Variants in TJP1 observed in about 807,000 individuals in gnomAD.
TJP1 encodes the protein tight junction protein ZO-1.
In TJP1, 43 loss-of-function variants were observed where a neutral mutation model predicts 194.2. The observed-to-expected ratio is 0.22, with a 90% CI of 0.17 to 0.29. The LOEUF (loss-of-function observed/expected upper bound fraction) is 0.29, where lower values mean the gene tolerates loss of function less well. Ranked by LOEUF, TJP1 falls within the 10% of genes least tolerant of loss-of-function variation. The probability of loss-of-function intolerance (pLI) is 1.00; values close to 1 mark genes in which losing one functional copy is unlikely to be tolerated. For missense variants in TJP1, 1,971 were observed against 2,185.7 expected (o/e 0.90, Z 1.96); for synonymous variants, 801 against 779.0 (o/e 1.03, Z -0.47).
chr15:29,823,324 A>G (rs1450391646), upstream of TJP1: 2 of 152,170 alleles, frequency 1.3e-5, no homozygotes, highest in Admixed American at 6.5e-5. Context: ...CCACTACACA[A>G]ACTTCCCACA....
intron 15 of TJP1, chr15:29,731,129 T>C (rs2043627237): frequency 1.6e-6 from 1 of 629,148 alleles, no homozygotes; most frequent in Non-Finnish European, 2.8e-6. Flanking sequence ...GAACACTTCA[T>C]TGTTGTTTTT....
chr15:29,877,378 G>C (rs889121404), intron 2 of TJP1, among the ~76,000 whole-genome samples: 8 of 152,108 alleles, frequency 5.3e-5, no homozygotes, highest in Non-Finnish European at 1.0e-4. Context: ...CACCACACCT[G>C]AGTAATTTTT....
rs138633407 is a variant in TJP1 at position 29,865,513 on chromosome 15, T to C, written c.307-64811A>G. 9.8e-5 allele frequency among the ~76,000 whole-genome samples: 15 copies of C among 152,322 alleles called. No individual in the cohort carries two copies. In the East Asian group the frequency reaches 2.1e-3, roughly 22 times the overall value. ...TCTAAGACCCTAGGGGAGTTTAGAA[T>C]ATGATCAAGTTCCGAAGAAGTGCAT... On this transcript the variant is annotated intron_variant, in intron 2 of 28. Coordinates refer to the TJP1 transcript ENST00000356107.
chr15:29,887,408 T>G (rs1203060868), intron 2 of TJP1, among the ~76,000 whole-genome samples: 1 of 151,886 alleles, frequency 6.6e-6, no homozygotes, highest in Non-Finnish European at 1.5e-5. Flanking sequence ...CAAGTGATTC[T>G]CCTGCCTCAG....
chr15:29,760,202 G>C (rs1462834632), intron 8 of TJP1: 4 of 702,122 alleles, frequency 5.7e-6, no homozygotes, highest in Non-Finnish European at 1.0e-5. Flanking sequence ...ATAGAGCCTT[G>C]GGAGTCTCCA....
At chr15:29,760,532 C>T (rs1253271957) in intron 8 of TJP1, among the ~76,000 whole-genome samples, 1 of 152,084 alleles carries the variant, frequency 6.6e-6, no homozygotes, top group African/African-American at 2.4e-5. Context: ...TGTGCCAACA[C>T]TACCTGGCTA....
At chr15:29,841,430 C>A in intron 2 of TJP1, among the ~76,000 whole-genome samples, 1 of 152,208 alleles carries the variant, frequency 6.6e-6, no homozygotes, top group South Asian at 2.1e-4. Context: ...GAGGCCCACC[C>A]TTCAGGACCT....
In TJP1 at chr15:29,877,132, T is replaced by C. The variant is rs190950144; in HGVS notation, c.307-76430A>G. 1.7e-3 allele frequency among the ~76,000 whole-genome samples: 255 copies of C among 152,360 alleles called. 5 individuals are homozygous for C. Among genetic ancestry groups the C allele is most frequent in the Admixed American group, 0.016 (239 of 15,308 alleles). On this transcript the variant is annotated intron_variant, in intron 2 of 28. Coordinates refer to the TJP1 transcript ENST00000356107. ...TTACATTAATTAAAACTCATTGTTCTTATAATTTCATGTAAACCAATTAAC... is the reference window on the plus strand; with the variant it reads ...TTACATTAATTAAAACTCATTGTTCCTATAATTTCATGTAAACCAATTAAC...
chr15:29,790,284 T>C (rs1320102044), intron 2 of TJP1, among the ~76,000 whole-genome samples: 1 of 152,240 alleles, frequency 6.6e-6, no homozygotes, highest in Admixed American at 6.5e-5. Context: ...ACTAAGACAG[T>C]TGAAAGTACC....
intron 2 of TJP1, among the ~76,000 whole-genome samples, chr15:29,862,466 A>G (rs550378824): frequency 1.3e-5 from 2 of 151,924 alleles, no homozygotes; most frequent in Non-Finnish European, 2.9e-5. Context: ...AACAAACAAA[A>G]AAAAACCCCT....
intron 1 of TJP1, among the ~76,000 whole-genome samples, chr15:29,807,939 C>G (rs532452687): frequency 6.6e-6 from 1 of 152,044 alleles, no homozygotes; most frequent in African/African-American, 2.4e-5. Context: ...TCCTTGAAAA[C>G]TGGTAAACAT....
chr15:29,840,759 C>G (rs939600417), intron 2 of TJP1, among the ~76,000 whole-genome samples: 2 of 152,150 alleles, frequency 1.3e-5, no homozygotes, highest in African/African-American at 4.8e-5. Flanking sequence ...GATAGGATGC[C>G]ACTCACTATG....
At chr15:29,712,809 T>TAAA (rs746405153) in intron 23 of TJP1, among the ~76,000 whole-genome samples, 1 of 108,294 alleles carries the variant, frequency 9.2e-6, no homozygotes, top group African/African-American at 3.5e-5. Flanking sequence ...CATGTCCCAT[T>TAAA]AAAAAAAAAA....
intron 5 of TJP1, 41 bp from the exon 6 acceptor site, chr15:29,762,479 A>G (rs2046067758): frequency 6.8e-7 from 1 of 1,461,374 alleles, no homozygotes; most frequent in Non-Finnish European, 9.5e-7. Context: ...TAACATCCTA[A>G]GACACCTAAA....
chr15:29,761,371 T>C (rs2045997623), intron 7 of TJP1, 85 bp from the exon 8 acceptor site: 2 of 1,496,158 alleles, frequency 1.3e-6, no homozygotes, highest in Non-Finnish European at 1.8e-6. Context: ...GAAGATAAGC[T>C]AGTAAGTAAA....
At chr15:29,944,463 G>A (rs1460058442) in intron 2 of TJP1, among the ~76,000 whole-genome samples, 1 of 152,052 alleles carries the variant, frequency 6.6e-6, no homozygotes, top group African/African-American at 2.4e-5. Context: ...GGGGGGACGG[G>A]GACGGGGGCA....
At chr15:29,914,562 G>A (rs1052721322) in intron 2 of TJP1, among the ~76,000 whole-genome samples, 1 of 152,176 alleles carries the variant, frequency 6.6e-6, no homozygotes, top group South Asian at 2.1e-4. Flanking sequence ...GGGCAAGAGT[G>A]TCAGATTCAG....
chr15:29,963,758 A>T (rs1180417392), intron 1 of TJP1, among the ~76,000 whole-genome samples: 2 of 152,098 alleles, frequency 1.3e-5, no homozygotes, highest in Non-Finnish European at 2.9e-5. Flanking sequence ...GGTTCAAGCG[A>T]TTCTTCTGTC....
chr15:29,871,565 G>A (rs1468636808), intron 2 of TJP1, among the ~76,000 whole-genome samples: 2 of 152,246 alleles, frequency 1.3e-5, no homozygotes, highest in Non-Finnish European at 1.5e-5. Flanking sequence ...CAACCGCCTG[G>A]AGAGGCCTTC....
Sources: allele counts gnomAD v4.1 joint callset (sites outside exome capture counted in the v4.1 genomes callset), GRCh38; gene constraint gnomAD v4.1.1; transcripts MANE v1.5; gene names NCBI Gene and HGNC (gene_info 2026-07-23, HGNC 2026-07-21).